The following PCM1 variants were observed in gnomAD, a reference collection of about 807,000 sequenced individuals.
The protein encoded by PCM1 is pericentriolar material 1.
Under a neutral mutation model 241.9 loss-of-function variants are expected in PCM1, and 157 were observed. The observed-to-expected ratio is 0.65, with a 90% confidence interval of 0.57 to 0.74. PCM1 has a LOEUF of 0.74. Ranked by LOEUF, PCM1 falls within the 30% of genes least tolerant of loss-of-function variation. The pLI, the probability that PCM1 is intolerant of heterozygous loss-of-function variation, is 0.00. For missense variants in PCM1, 3,478 were observed against 2,360.1 expected, an observed-to-expected ratio of 1.47 and a Z score of -9.81; for synonymous variants, 1,085 against 784.9, an observed-to-expected ratio of 1.38 and a Z score of -6.39.
At chr8:17,991,494 A>G in intron 27 of PCM1, 48 bp from the exon 28 acceptor site, 1 of 1,492,498 alleles carries the variant, frequency 6.7e-7, no homozygotes, top group Non-Finnish European at 9.0e-7. Context: ...GAATATATGA[A>G]AAAGTTCACT....
chr8:17,966,577 T>G, intron 20 of PCM1, 104 bp downstream of exon 20: 4 of 937,902 alleles, frequency 4.3e-6, no homozygotes, highest in Non-Finnish European at 6.3e-6. Flanking sequence ...ATTGCATATT[T>G]GGACATTCTC....
chr8:17,949,397 T>G (rs570774485), intron 7 of PCM1, among the ~76,000 whole-genome samples: 3 of 152,118 alleles, frequency 2.0e-5, no homozygotes, highest in Non-Finnish European at 4.4e-5. Context: ...ACTAGACATA[T>G]AGGATTCTAT....
rs1048617193 is a variant in PCM1, at chr8:18,022,743, A to G, written c.5842-2618A>G. ...CTTTATGATTTAACACCAATTAGGG[A>G]GACTGCTCTCCTATATAATGACACA... On this transcript the variant is annotated intron_variant, in intron 36 of 38. Transcript: ENST00000325083. Among the ~76,000 whole-genome samples the G allele has an allele frequency of 3.3e-5, 5 of 152,306 alleles. No homozygotes were observed. The East Asian group carries it at 7.7e-4, about 24-fold the overall frequency.
intron 15 of PCM1, 83 bp downstream of exon 15, chr8:17,960,527 G>GTTTTTTTTTTTTT (rs1371772356): frequency 4.6e-5 from 19 of 412,884 alleles, no homozygotes; most frequent in South Asian, 8.0e-5. Context: ...TTTTGTTTTT[G>GTTTTTTTTTTTTT]TTTTTCTTTT....
At chr8:17,990,465 G>GT (rs1263265168) in intron 27 of PCM1, among the ~76,000 whole-genome samples, 15 of 142,330 alleles carry the variant, frequency 1.1e-4, no homozygotes, top group South Asian at 6.6e-4. Context: ...GGTTTTGGTT[G>GT]TTTTTTTTTG....
At chr8:17,946,864 T>TGTGTGTGTCC (rs2063986522) in intron 6 of PCM1, among the ~76,000 whole-genome samples, 1 of 151,750 alleles carries the variant, frequency 6.6e-6, no homozygotes, top group Non-Finnish European at 1.5e-5. Context: ...TGTGTGTGTG[T>TGTGTGTGTCC]GTGTGTGTCC....
chr8:17,930,552 C>G (rs2058668312), intron 2 of PCM1, among the ~76,000 whole-genome samples: 1 of 151,980 alleles, frequency 6.6e-6, no homozygotes. Context: ...TGCCATTACT[C>G]TTATGAGGGA....
intron 13 of PCM1, among the ~76,000 whole-genome samples, chr8:17,959,499 T>G (rs1309508415): frequency 3.1e-4 from 47 of 152,070 alleles, no homozygotes; most frequent in Non-Finnish European, 1.3e-4. Flanking sequence ...TGCATTTGTG[T>G]TTTTTAAGAA....
At position 18,009,674 on chromosome 8, in the gene PCM1, G is replaced by T; in HGVS notation, c.5090G>T (p.Ser1697Ile). ...CTTATGCAAGATTTGGATAATAATA[G>T]TATAACTGTTAAACAGAGATGCAAA... ...FKLMQDLDNN[S>I]ITVKQRCKRK... is the part of the protein sequence containing the mutation. Residue 1697 changes from serine to isoleucine, a missense_variant, in exon 31 of 39, where the codon AGT becomes ATT. By Grantham distance (142) the Ser-to-Ile change is moderately radical (BLOSUM62 -2). Transcript: ENST00000325083. 1.9e-6 allele frequency: 3 copies of T among 1,570,898 alleles called. No individual in the cohort carries two copies. The highest frequency in any genetic ancestry group is 2.6e-6 in the Non-Finnish European group (3 of 1,160,012).
In PCM1 at chr8:18,028,061, GAGTT is replaced by G. The variant is rs952518538; in HGVS notation, c.*406_*409del. ...CTGCTCAGAGAAGAGCAATGGTTAAGAGTTAGTTAGAGAAATATATTATTTGTTA... is the reference window on the plus strand; with the variant it reads ...CTGCTCAGAGAAGAGCAATGGTTAAGAGTTAGAGAAATATATTATTTGTTA... On this transcript the variant is annotated 3_prime_UTR_variant, in exon 39 of 39. Transcript: ENST00000325083. 7.4e-5 allele frequency: 16 copies of G among 216,412 alleles called. No individual in the cohort carries two copies. The highest frequency in any genetic ancestry group is 7.4e-4 in the South Asian group (4 of 5,418). The allele number at this position is 216,412 out of a possible 1,614,324, so 13.4% of individuals were successfully genotyped here.
chr8:18,005,465 T>G (rs769565628), intron 29 of PCM1, among the ~76,000 whole-genome samples: 57 of 151,894 alleles, frequency 3.8e-4, no homozygotes, highest in Middle Eastern at 3.4e-3. Flanking sequence ...ATTTTATAGA[T>G]ATGTATTGGT....
chr8:17,950,504 T>G (rs2065632696), intron 7 of PCM1, 111 bp from the exon 8 acceptor site: 1 of 620,014 alleles, frequency 1.6e-6, no homozygotes, highest in Admixed American at 3.1e-5. Context: ...AGTTTCAAGT[T>G]ACGTATGTGA....
chr8:17,962,563 A>G (rs188783177), intron 16 of PCM1, among the ~76,000 whole-genome samples: 2 of 152,054 alleles, frequency 1.3e-5, no homozygotes, highest in African/African-American at 2.4e-5. Flanking sequence ...TAGAAAATAT[A>G]ATTTTTCCTA....
intron 2 of PCM1, chr8:17,925,778 A>C (rs528554041): frequency 2.3e-4 from 35 of 152,366 alleles, no homozygotes; most frequent in African/African-American, 7.7e-4. Flanking sequence ...AGGAGGTTGC[A>C]GTGAGCCAAG....
chr8:17,956,368 G>A (rs187937467), intron 10 of PCM1, among the ~76,000 whole-genome samples: 1 of 152,152 alleles, frequency 6.6e-6, no homozygotes, highest in East Asian at 1.9e-4. Context: ...AATTGAAATT[G>A]GTTTTCTTAC....
rs753905341 is a variant in PCM1, at chr8:17,964,626, G to C, written c.2713G>C (p.Asp905His). ...TGCACTAGATGAAGAAGGAGATGAA[G>C]ACGGTTACCTTTCTGAAGGAATTGT... The part of the protein sequence containing the change: ...QCALDEEGDE[D>H]GYLSEGIVRT... Residue 905 changes from aspartate to histidine, a missense_variant, in exon 18 of 39, where the codon GAC becomes CAC. Transcript: ENST00000325083. The C allele has an allele frequency of 6.2e-7, 1 of 1,613,940 alleles. No homozygotes were observed. The highest frequency in any genetic ancestry group is 8.5e-7 in the Non-Finnish European group (1 of 1,179,862).
rs150762326 is a variant in PCM1, at chr8:17,939,155, T to G, written c.612+146T>G. Reference sequence around the variant, plus strand: ...TGACCTCCTTTGTTAATCTGCCAGATTTACTTAAAATAGAGTAAATTTCTG... The same window carrying G: ...TGACCTCCTTTGTTAATCTGCCAGAGTTACTTAAAATAGAGTAAATTTCTG... On this transcript the variant is annotated intron_variant, in intron 5 of 38. Coordinates refer to ENST00000325083, the MANE Select transcript of PCM1 (RefSeq NM_006197.4). The G allele has an allele frequency of 5.2e-4, 371 of 708,276 alleles. No homozygotes were observed. The African/African-American group carries it at 5.5e-3, about 10-fold the overall frequency. The allele number at this position is 708,276 out of a possible 1,614,324, so 43.9% of individuals were successfully genotyped here.
intron 23 of PCM1, among the ~76,000 whole-genome samples, chr8:17,973,431 G>T (rs374798014): frequency 1.1e-4 from 16 of 152,076 alleles, no homozygotes; most frequent in African/African-American, 3.6e-4. Context: ...AGTATTTGGT[G>T]CCTAAGGCTA....
At chr8:18,004,733 A>G (rs2090754157) in intron 29 of PCM1, among the ~76,000 whole-genome samples, 1 of 152,168 alleles carries the variant, frequency 6.6e-6, no homozygotes, top group Non-Finnish European at 1.5e-5. Flanking sequence ...TGTCATCACT[A>G]GTGAGTCAAA....
Sources: gnomAD v4.1 joint callset for allele counts (sites outside exome capture counted in the v4.1 genomes callset) on GRCh38, gnomAD v4.1.1 for gene constraint, MANE v1.5 for transcripts, NCBI Gene and HGNC (gene_info 2026-07-23, HGNC 2026-07-21) for gene names.